Variants in EPB41L4B observed in about 807,000 individuals in gnomAD.
EPB41L4B encodes the protein band 4.1-like protein 4B.
EPB41L4B carries 30 observed loss-of-function variants against 112.5 expected under a neutral mutation model. That is an observed-to-expected ratio of 0.27 (90% CI 0.20 to 0.36). The LOEUF is 0.36. Ranked by LOEUF, EPB41L4B falls within the 10% of genes least tolerant of loss-of-function variation. EPB41L4B has a pLI of 1.00. For missense variants in EPB41L4B, 1,024 were observed against 1,133.3 expected (o/e 0.90, Z 1.38); for synonymous variants, 408 against 439.7 (o/e 0.93, Z 0.90).
Position 109,321,042 on chromosome 9 carries a change from G to T in EPB41L4B, c.-596C>A. 5.3e-6 allele frequency: 1 copy of T among 188,996 alleles called. No homozygotes were observed. Among genetic ancestry groups the T allele is most frequent in the South Asian group, 1.1e-4 (1 of 9,126 alleles). 11.7% of individuals were successfully genotyped at this position (188,996 alleles called of 1,614,324 possible). On this transcript the variant is annotated 5_prime_UTR_variant, in exon 1 of 26. Coordinates refer to ENST00000374566, the MANE Select transcript of EPB41L4B (RefSeq NM_019114.5). Reference sequence around the variant, plus strand: ...CGCCGCCGCCGCCGCCGCTGCCGCCGGGACTGCAGCACGCCCTCCTCCCTC... The same window carrying T: ...CGCCGCCGCCGCCGCCGCTGCCGCCTGGACTGCAGCACGCCCTCCTCCCTC...
At chr9:109,208,361 C>G (rs919373405) in intron 17 of EPB41L4B, among the ~76,000 whole-genome samples, 3 of 152,206 alleles carry the variant, frequency 2.0e-5, no homozygotes, top group Non-Finnish European at 2.9e-5. Flanking sequence ...TTCAAGTCTC[C>G]TAACCTCAGT....
At chr9:109,235,393 T>C (rs1167237341) in intron 15 of EPB41L4B, among the ~76,000 whole-genome samples, 1 of 136,364 alleles carries the variant, frequency 7.3e-6, no homozygotes, top group Non-Finnish European at 1.7e-5. Context: ...AGCTAGACTT[T>C]TTTTTTTTTT....
chr9:109,179,043 G>A (rs16913884), intron 24 of EPB41L4B, among the ~76,000 whole-genome samples: 2,358 of 152,010 alleles, frequency 0.016, 66 homozygotes, highest in African/African-American at 0.052. Context: ...GAATGAACAA[G>A]CTTCCACTGG....
At chr9:109,303,971 AAAAAAG>A (rs1837077386) in intron 1 of EPB41L4B, among the ~76,000 whole-genome samples, 1 of 152,204 alleles carries the variant, frequency 6.6e-6, no homozygotes, top group South Asian at 2.1e-4. Context: ...GTTATAACCA[AAAAAAG>A]AAAATTAAAA....
intron 3 of EPB41L4B, 31 bp from the exon 4 acceptor site, chr9:109,267,582 G>GTT: frequency 2.1e-6 from 3 of 1,440,250 alleles, no homozygotes; most frequent in Non-Finnish European, 2.9e-6. Context: ...GGTTGAAGAT[G>GTT]TTTTTCCCCC....
At chr9:109,271,822 C>G (rs1407025207) in intron 2 of EPB41L4B, among the ~76,000 whole-genome samples, 1 of 152,226 alleles carries the variant, frequency 6.6e-6, no homozygotes, top group Non-Finnish European at 1.5e-5. Context: ...CTCAAACACT[C>G]TAACGGGTGT....
At chr9:109,220,558 C>T (rs1051902581) in intron 15 of EPB41L4B, among the ~76,000 whole-genome samples, 7 of 152,116 alleles carry the variant, frequency 4.6e-5, no homozygotes, top group African/African-American at 1.7e-4. Flanking sequence ...GCTGTGTAAG[C>T]AGGGCTTGCA....
intron 17 of EPB41L4B, among the ~76,000 whole-genome samples, chr9:109,210,072 A>C (rs1195392776): frequency 6.6e-6 from 1 of 150,446 alleles, no homozygotes; most frequent in Non-Finnish European, 1.5e-5. Context: ...TTTAGTTAGC[A>C]AATATATATA....
chr9:109,198,439 TCAAA>T (rs1832716803), intron 20 of EPB41L4B, among the ~76,000 whole-genome samples: 2 of 152,114 alleles, frequency 1.3e-5, no homozygotes, highest in Admixed American at 1.3e-4. Context: ...GAAGAGAGGA[TCAAA>T]CAGTCACTTT....
intron 12 of EPB41L4B, among the ~76,000 whole-genome samples, chr9:109,252,895 A>G (rs1293497977): frequency 6.6e-6 from 1 of 152,148 alleles, no homozygotes. Context: ...ATGAGGCCCC[A>G]GCTGTAACTG....
chr9:109,298,581 G>A (rs537079470), intron 1 of EPB41L4B, among the ~76,000 whole-genome samples: 4 of 152,218 alleles, frequency 2.6e-5, no homozygotes, highest in Admixed American at 2.6e-4. Context: ...CAAAGTGCTG[G>A]GATTACAGGC....
chr9:109,195,980 T>C (rs1422124178), intron 20 of EPB41L4B, among the ~76,000 whole-genome samples: 1 of 152,102 alleles, frequency 6.6e-6, no homozygotes, highest in Non-Finnish European at 1.5e-5. Context: ...ATAAGTAAAA[T>C]TTTACATACA....
chr9:109,304,913 A>AG (rs763441905), intron 1 of EPB41L4B, among the ~76,000 whole-genome samples: 69 of 152,104 alleles, frequency 4.5e-4, no homozygotes, highest in Non-Finnish European at 8.4e-4. Flanking sequence ...CAACAGGTAG[A>AG]GGGTTTCCTT....
In EPB41L4B at chr9:109,247,816, GA is replaced by G. The variant is rs753072476; in HGVS notation, c.1311-28del. The G allele has an allele frequency of 2.8e-4, 394 of 1,409,358 alleles. No individual in the cohort carries two copies. The South Asian group carries it at 4.2e-3, about 15-fold the overall frequency. The allele number at this position is 1,409,358 out of a possible 1,614,324, so 87.3% of individuals were successfully genotyped here. ...TAAACAAACAAACAAACAAAAAACAGAAAAAAAAAGAAAAATAGGTTGTAGA... is the reference window on the plus strand; with the variant it reads ...TAAACAAACAAACAAACAAAAAACAGAAAAAAAAGAAAAATAGGTTGTAGA... On this transcript the variant is annotated intron_variant, in intron 13 of 25. Transcript: ENST00000374566.
chr9:109,317,232 C>T (rs1837667693), intron 1 of EPB41L4B, among the ~76,000 whole-genome samples: 1 of 152,226 alleles, frequency 6.6e-6, no homozygotes. Context: ...TATACAACAA[C>T]TGGCCTGTGG....
intron 1 of EPB41L4B, among the ~76,000 whole-genome samples, chr9:109,287,765 C>A (rs1295668965): frequency 2.0e-5 from 3 of 152,232 alleles, no homozygotes; most frequent in African/African-American, 7.2e-5. Flanking sequence ...TCCCGAGTAG[C>A]TGAGACCACA....
intron 15 of EPB41L4B, chr9:109,241,880 C>T (rs1834365390): frequency 6.5e-7 from 1 of 1,529,240 alleles, no homozygotes. Context: ...TGAAACAACA[C>T]AAGCACAAAG....
chr9:109,302,430 A>G (rs1837004294), intron 1 of EPB41L4B, among the ~76,000 whole-genome samples: 1 of 152,198 alleles, frequency 6.6e-6, no homozygotes, highest in South Asian at 2.1e-4. Flanking sequence ...TTTTAACTTA[A>G]ATGCCTCTTT....
At chr9:109,251,590 G>A in intron 12 of EPB41L4B, 79 bp from the exon 13 acceptor site, 1 of 1,290,368 alleles carries the variant, frequency 7.7e-7, no homozygotes, top group Non-Finnish European at 1.1e-6. Flanking sequence ...TAATGGCCAT[G>A]CGAGACTTCT....
Sources: allele counts gnomAD v4.1 joint callset (sites outside exome capture counted in the v4.1 genomes callset), GRCh38; gene constraint gnomAD v4.1.1; transcripts MANE v1.5; gene names NCBI Gene and HGNC (gene_info 2026-07-23, HGNC 2026-07-21).